Variants in TMCO4 observed in about 807,000 individuals in gnomAD.
TMCO4 encodes transmembrane and coiled-coil domain-containing protein 4.
A neutral mutation model predicts 64.7 loss-of-function variants in TMCO4; 58 were observed. That is an observed-to-expected ratio of 0.90 (90% confidence interval 0.73 to 1.12). The LOEUF is 1.12. Among genes scored for constraint, TMCO4 ranks in the 50% most tolerant of loss-of-function variants. TMCO4 has a pLI of 0.00. For synonymous variants in TMCO4, 325 were observed against 346.1 expected (o/e 0.94, Z 0.68); for missense variants, 780 against 825.9 (o/e 0.94, Z 0.68).
At chr1:19,769,855 GT>G (rs1026898249) in intron 6 of TMCO4, among the ~76,000 whole-genome samples, 2 of 119,798 alleles carry the variant, frequency 1.7e-5, no homozygotes, top group Admixed American at 7.8e-5. Flanking sequence ...GGGGAAGACA[GT>G]TTTACCATGG....
At chr1:19,722,144 G>T (rs920870096) in intron 13 of TMCO4, among the ~76,000 whole-genome samples, 1 of 152,308 alleles carries the variant, frequency 6.6e-6, no homozygotes, top group Non-Finnish European at 1.5e-5. Context: ...TGATGTCAAG[G>T]GGATCCTGTA....
In TMCO4 at chr1:19,771,553, T is replaced by C. The variant is rs41302036; in HGVS notation, c.180-71A>G. The stretch of plus-strand genomic sequence containing the variant: ...GCCTCCACTGGGCAGTGTAGATTAG[T>C]TGTGGTCACGGATGTGAACAGCTGG... On this transcript the variant is annotated intron_variant, in intron 4 of 15. Transcript: ENST00000294543. 4.7e-6 allele frequency: 7 copies of C among 1,504,442 alleles called. No individual in the cohort carries two copies. In the African/African-American group the frequency reaches 5.5e-5, roughly 12 times the overall value. 93.2% of individuals were successfully genotyped at this position (1,504,442 alleles called of 1,614,324 possible). A position where few individuals can be genotyped will look rare whatever the true frequency, so the allele number is the denominator to read the frequency against.
intron 2 of TMCO4, among the ~76,000 whole-genome samples, chr1:19,787,328 C>G (rs1460956760): frequency 6.6e-6 from 1 of 152,240 alleles, no homozygotes; most frequent in Non-Finnish European, 1.5e-5. Context: ...CTGCTGAGCA[C>G]TCACCATGTG....
chr1:19,741,583 T>C (rs1428378903), intron 10 of TMCO4, among the ~76,000 whole-genome samples: 3 of 152,160 alleles, frequency 2.0e-5, no homozygotes, highest in African/African-American at 7.2e-5. Flanking sequence ...TAGCGGCCGA[T>C]GCCAAGTCGG....
At chr1:19,695,331 C>G (rs928089359) in intron 14 of TMCO4, among the ~76,000 whole-genome samples, 1 of 152,228 alleles carries the variant, frequency 6.6e-6, no homozygotes, top group African/African-American at 2.4e-5. Flanking sequence ...CCCCTTGAAG[C>G]AGCCTTCCCT....
chr1:19,788,854 T>C (rs2043874301), intron 2 of TMCO4, among the ~76,000 whole-genome samples: 1 of 152,074 alleles, frequency 6.6e-6, no homozygotes, highest in Non-Finnish European at 1.5e-5. Context: ...GGCAGGTGGA[T>C]CAGGAGGTCA....
chr1:19,747,346 C>A (rs1470180588), intron 7 of TMCO4, 86 bp from the exon 8 acceptor site: 19 of 1,151,932 alleles, frequency 1.6e-5, no homozygotes, highest in Non-Finnish European at 2.2e-5. Context: ...CAAACAGGGG[C>A]CAATGCTGGG....
chr1:19,697,194 T>C (rs565642788), intron 14 of TMCO4, among the ~76,000 whole-genome samples: 1 of 152,290 alleles, frequency 6.6e-6, no homozygotes, highest in African/African-American at 2.4e-5. Flanking sequence ...CCTATAGCCA[T>C]CCTTTCAAAA....
At chr1:19,740,694 T>C in intron 11 of TMCO4, 83 bp downstream of exon 11, 1 of 1,466,854 alleles carries the variant, frequency 6.8e-7, no homozygotes, top group African/African-American at 1.4e-5. Flanking sequence ...CTGGGGGCTT[T>C]GGGCATGCAA....
chr1:19,774,230 C>A (rs1380623780), intron 4 of TMCO4, among the ~76,000 whole-genome samples: 1 of 152,182 alleles, frequency 6.6e-6, no homozygotes, highest in South Asian at 2.1e-4. Flanking sequence ...GGGCTCAGGG[C>A]CAAGGACTAC....
intron 3 of TMCO4, among the ~76,000 whole-genome samples, chr1:19,786,306 G>A (rs530831528): frequency 1.5e-4 from 23 of 152,220 alleles, no homozygotes; most frequent in African/African-American, 1.7e-4. Flanking sequence ...ACAACAACCC[G>A]TGTGATAAAC....
intron 13 of TMCO4, among the ~76,000 whole-genome samples, chr1:19,722,256 A>G (rs772771796): frequency 3.9e-5 from 6 of 152,172 alleles, no homozygotes; most frequent in Admixed American, 3.9e-4. Flanking sequence ...GAATGAAATG[A>G]GGCCCAGCAT....
At chr1:19,731,756 G>A (rs1365163603) in intron 13 of TMCO4, among the ~76,000 whole-genome samples, 2 of 152,190 alleles carry the variant, frequency 1.3e-5, no homozygotes, top group Non-Finnish European at 2.9e-5. Context: ...GCAGTCTGGC[G>A]AGAAGGGCTC....
chr1:19,731,287 A>G (rs2095428812), intron 13 of TMCO4, among the ~76,000 whole-genome samples: 1 of 152,338 alleles, frequency 6.6e-6, no homozygotes, highest in Admixed American at 6.5e-5. Flanking sequence ...AGGGATTGCT[A>G]TAATATGACA....
intron 13 of TMCO4, among the ~76,000 whole-genome samples, chr1:19,716,165 T>TATTATTATTATTATTA (rs148511891): frequency 3.2e-4 from 46 of 144,904 alleles, no homozygotes; most frequent in African/African-American, 1.2e-3. Flanking sequence ...TTATTTTTAT[T>TATTATTATTATTATTA]TTATTATTAT....
intron 7 of TMCO4, among the ~76,000 whole-genome samples, chr1:19,749,543 CT>C (rs964948176): frequency 1.5e-4 from 23 of 151,972 alleles, no homozygotes; most frequent in Non-Finnish European, 5.9e-5. Context: ...AATTTTTGTA[CT>C]TTTTGTAGAC....
At chr1:19,718,650 C>CAAAAAAAAAAAAAAAAA (rs754998314) in intron 13 of TMCO4, among the ~76,000 whole-genome samples, 10 of 63,302 alleles carry the variant, frequency 1.6e-4, no homozygotes, top group Non-Finnish European at 1.8e-4. Flanking sequence ...GACCGTCTCT[C>CAAAAAAAAAAAAAAAAA]AAAAAAAAAA....
chr1:19,703,890 C>T (rs192374499), intron 13 of TMCO4, among the ~76,000 whole-genome samples: 3 of 152,278 alleles, frequency 2.0e-5, no homozygotes, highest in East Asian at 3.9e-4. Context: ...ACCAGGAAGC[C>T]GCACACTCAG....
chr1:19,709,065 G>GA (rs1452944361), intron 13 of TMCO4, among the ~76,000 whole-genome samples: 1 of 152,076 alleles, frequency 6.6e-6, no homozygotes, highest in Non-Finnish European at 1.5e-5. Flanking sequence ...GAAGGGAGGG[G>GA]GGACCAAGAA....
Sources: gnomAD v4.1 joint callset for allele counts (sites outside exome capture counted in the v4.1 genomes callset) on GRCh38, gnomAD v4.1.1 for gene constraint, MANE v1.5 for transcripts, NCBI Gene and HGNC (gene_info 2026-07-23, HGNC 2026-07-21) for gene names.